SUCO: variants seen among roughly 807,000 people sequenced by gnomAD.
SUCO encodes SUN domain containing ossification factor.
In SUCO, 57 loss-of-function variants were observed where a neutral mutation model predicts 148.1. The observed-to-expected ratio is 0.38, with a 90% CI of 0.31 to 0.48. The LOEUF is 0.48. Ranked by LOEUF, SUCO falls within the 20% of genes least tolerant of loss-of-function variation. The pLI, the probability that SUCO is intolerant of heterozygous loss-of-function variation, is 0.96. For synonymous variants in SUCO, 470 were observed against 502.7 expected, an observed-to-expected ratio of 0.93 and a Z score of 0.87; for missense variants, 1,331 against 1,468.2, an observed-to-expected ratio of 0.91 and a Z score of 1.53.
chr1:172,577,661 ATAGAAATGTT>A (rs1275027427), intron 12 of SUCO, 93 bp from the exon 13 acceptor site: 25 of 1,577,004 alleles, frequency 1.6e-5, no homozygotes, highest in Non-Finnish European at 1.9e-5. Context: ...TAAGGACTTT[ATAGAAATGTT>A]TAGAAATGTT....
intron 6 of SUCO, 149 bp from the exon 7 acceptor site, chr1:172,568,870 C>A: frequency 1.3e-6 from 1 of 771,044 alleles, no homozygotes; most frequent in Non-Finnish European, 1.9e-6. Context: ...AAACCAAAAC[C>A]TTTCTTTTTA....
chr1:172,559,861 G>A (rs376749923), intron 6 of SUCO, among the ~76,000 whole-genome samples: 8 of 152,064 alleles, frequency 5.3e-5, no homozygotes, highest in Non-Finnish European at 7.4e-5. Flanking sequence ...ATTTGCTTCC[G>A]TCTGGGACCT....
rs775058434 is a variant in SUCO at position 172,588,793 on chromosome 1, G to A, written c.1692G>A (p.Met564Ile). ...CCACTGAAGTACACACACATGACAT[G>A]GAGCCGTCAACACCAGATACTCCAA... ...YVTTEVHTHD[M>I]EPSTPDTPKE... Residue 564 changes from methionine to isoleucine, a missense_variant, in exon 18 of 24, where the codon ATG becomes ATA. Met to Ile is a conservative substitution (Grantham distance 10). This residue lies in a region of SUCO where 992 missense variants were observed against 1,093.5 expected (regional missense o/e 0.91). Coordinates refer to ENST00000263688, the MANE Select transcript of SUCO (RefSeq NM_014283.5). The A allele has an allele frequency of 3.2e-6, 5 of 1,562,888 alleles. No homozygotes were observed. In the South Asian group the frequency reaches 4.9e-5, roughly 15 times the overall value.
intron 1 of SUCO, chr1:172,541,897 TTTG>T (rs1314404782): frequency 1.1e-6 from 1 of 950,258 alleles, no homozygotes; most frequent in African/African-American, 1.8e-5. Flanking sequence ...GCATTTTTTG[TTTG>T]TTTTCTGTTT....
chr1:172,571,241 G>C (rs1015670024), intron 9 of SUCO, among the ~76,000 whole-genome samples: 1 of 152,184 alleles, frequency 6.6e-6, no homozygotes, highest in Non-Finnish European at 1.5e-5. Context: ...GTATTTTTTT[G>C]GTGGAGACGG....
At chr1:172,560,830 G>A (rs1654096802) in intron 6 of SUCO, among the ~76,000 whole-genome samples, 1 of 152,176 alleles carries the variant, frequency 6.6e-6, no homozygotes, top group Non-Finnish European at 1.5e-5. Flanking sequence ...GTGGTTATGG[G>A]GTGTAACTTC....
intron 1 of SUCO, among the ~76,000 whole-genome samples, chr1:172,542,224 A>T (rs1408117233): frequency 6.6e-6 from 1 of 152,106 alleles, no homozygotes; most frequent in Non-Finnish European, 1.5e-5. Context: ...TACTAAAAAA[A>T]ATAGAAAATT....
At chr1:172,590,441 C>A in intron 18 of SUCO, 1 of 797,790 alleles carries the variant, frequency 1.3e-6, no homozygotes, top group Non-Finnish European at 1.5e-6. Context: ...TTTTAAGTGC[C>A]AGAGACAGTG....
At chr1:172,533,638 C>G (rs1651790922) in intron 1 of SUCO, 141 bp downstream of exon 1, 1 of 1,097,878 alleles carries the variant, frequency 9.1e-7, no homozygotes, top group Non-Finnish European at 1.3e-6. Context: ...GATTACTTCT[C>G]GACTCTCCAT....
At chr1:172,577,374 T>A (rs1271954333) in intron 11 of SUCO, among the ~76,000 whole-genome samples, 165 bp from the exon 12 acceptor site, 1 of 151,784 alleles carries the variant, frequency 6.6e-6, no homozygotes, top group Non-Finnish European at 1.5e-5. Flanking sequence ...TTTAAATCAT[T>A]GCTTTTATTT....
chr1:172,582,309 A>G (rs967613312), intron 15 of SUCO, among the ~76,000 whole-genome samples: 2 of 152,192 alleles, frequency 1.3e-5, no homozygotes, highest in Non-Finnish European at 2.9e-5. Context: ...TAGTACACAT[A>G]GGAGGAAGTC....
At position 172,551,504 on chromosome 1, in the gene SUCO, T is replaced by C. The variant is rs964890111; in HGVS notation, c.63-8T>C. ...TTCTGTTTGTTGGTGGTGGTGGGTG[T>C]TTTACAGGCTTCCCAGCTGGCGTGT... On this transcript the variant is annotated splice_polypyrimidine_tract_variant and splice_region_variant and intron_variant, in intron 1 of 23. Coordinates refer to ENST00000263688, the MANE Select transcript of SUCO (RefSeq NM_014283.5). 2.5e-6 allele frequency: 4 copies of C among 1,574,252 alleles called. No homozygotes were observed. In the Admixed American group the frequency reaches 7.3e-5, roughly 29 times the overall value.
At chr1:172,540,337 T>A (rs1208416817) in intron 1 of SUCO, among the ~76,000 whole-genome samples, 1 of 152,138 alleles carries the variant, frequency 6.6e-6, no homozygotes, top group Non-Finnish European at 1.5e-5. Flanking sequence ...CATCTGAAAA[T>A]GTGGGTGCCT....
chr1:172,542,893 T>C, intron 1 of SUCO: 1 of 985,400 alleles, frequency 1.0e-6, no homozygotes, highest in Non-Finnish European at 1.2e-6. Flanking sequence ...TAGATAAGTT[T>C]GGAGAGCTTG....
intron 11 of SUCO, 96 bp downstream of exon 11, chr1:172,575,719 A>C: frequency 1.3e-6 from 1 of 785,358 alleles, no homozygotes; most frequent in Non-Finnish European, 2.1e-6. Flanking sequence ...AGAAAAGTTA[A>C]GAAATAGACT....
chr1:172,568,983 A>G, intron 6 of SUCO, 36 bp from the exon 7 acceptor site: 1 of 1,523,246 alleles, frequency 6.6e-7, no homozygotes, highest in Admixed American at 2.5e-5. Context: ...ATTATTTGAA[A>G]GTTGAAGTCT....
At position 172,589,207 on chromosome 1, in the gene SUCO, A is replaced by AAGTAGT; in HGVS notation, c.2111_2116dup (p.Ser704_Ser705dup). 6.2e-7 allele frequency: 1 copy of AAGTAGT among 1,614,008 alleles called. No individual in the cohort carries two copies. The highest frequency in any genetic ancestry group is 8.5e-7 in the Non-Finnish European group (1 of 1,179,912). On this transcript the variant is annotated inframe_insertion, in exon 18 of 24. Transcript: ENST00000263688. Reference sequence around the variant, plus strand: ...CTGAAACTGTTGTTCTGGGTGATTTAAGTAGTAGTATGCACCAGGATGACT... The same window carrying AAGTAGT: ...CTGAAACTGTTGTTCTGGGTGATTTAAGTAGTAGTAGTAGTATGCACCAGGATGACT...
chr1:172,608,620 T>C lies in SUCO; in HGVS notation c.3266-127T>C, dbSNP rs1369754630. ...AAATATATAGTTAACCTGATACAAA[T>C]TCATTGGTTCTATTACTAGAGGATA... On this transcript the variant is annotated intron_variant, in intron 22 of 23. Transcript: ENST00000263688. The C allele has an allele frequency of 4.0e-6, 3 of 746,534 alleles. No individual in the cohort carries two copies. In the African/African-American group the frequency reaches 5.4e-5, roughly 13 times the overall value. The allele number at this position is 746,534 out of a possible 1,614,324, so 46.2% of individuals were successfully genotyped here.
In SUCO at chr1:172,610,280, C is replaced by T. The variant is rs567952871; in HGVS notation, c.*21C>T. The T allele has an allele frequency of 6.4e-7, 1 of 1,551,518 alleles. No homozygotes were observed. Among genetic ancestry groups the T allele is most frequent in the South Asian group, 1.3e-5 (1 of 79,816 alleles). ...TCTAAAATTAATTGAACTTTTCATA[C>T]AGAAGACTTTTTTGTTGTTGTTCTT... On this transcript the variant is annotated 3_prime_UTR_variant, in exon 24 of 24. Transcript: ENST00000263688.
Sources: allele counts gnomAD v4.1 joint callset (sites outside exome capture counted in the v4.1 genomes callset), GRCh38; gene constraint gnomAD v4.1.1; regional missense constraint gnomAD v4.1.1; transcripts MANE v1.5; gene names NCBI Gene and HGNC (gene_info 2026-07-23, HGNC 2026-07-21).